Variants in BLTP2 observed in about 807,000 individuals in gnomAD.
The protein encoded by BLTP2 is bridge-like lipid transfer protein family member 2, also known as U937-associated antigen.
chr17:28,620,398 A>G, the BLTP2 span: 11 of 1,265,974 alleles, frequency 8.7e-6, no homozygotes, highest in Admixed American at 6.5e-5. Flanking sequence ...TACCAACCAC[A>G]AGGCCCTTTT....
the BLTP2 span, chr17:28,635,781 T>G: frequency 1.6e-6 from 1 of 627,860 alleles, no homozygotes; most frequent in Admixed American, 3.2e-5. Flanking sequence ...ACTAATGTGC[T>G]GAGCTGACAG....
At chr17:28,636,995 G>A in the BLTP2 span, 1 of 1,614,144 alleles carries the variant, frequency 6.2e-7, no homozygotes. Context: ...TGTGATAGGT[G>A]ATGGAGAGCA....
At chr17:28,643,636 G>A in the BLTP2 span, 1 of 1,614,088 alleles carries the variant, frequency 6.2e-7, no homozygotes, top group Non-Finnish European at 8.5e-7. Context: ...GGAGTTTGCT[G>A]GAAATCCACA....
the BLTP2 span, among the ~76,000 whole-genome samples, chr17:28,644,516 G>A: frequency 5.0e-3 from 767 of 152,310 alleles, 6 homozygotes; most frequent in Admixed American, 7.7e-3. Context: ...TGTCACATGT[G>A]CCATCACACT....
At chr17:28,627,204 T>A in the BLTP2 span, among the ~76,000 whole-genome samples, 2 of 152,122 alleles carry the variant, frequency 1.3e-5, no homozygotes, top group African/African-American at 4.8e-5. Flanking sequence ...GAGTTTGGGT[T>A]TTTCCACTCA....
the BLTP2 span, chr17:28,635,559 C>T: frequency 1.2e-6 from 2 of 1,614,088 alleles, no homozygotes; most frequent in Non-Finnish European, 8.5e-7. Context: ...GGTACAGGTA[C>T]ATGTGATCTG....
At chr17:28,637,512 G>A in the BLTP2 span, among the ~76,000 whole-genome samples, 1 of 152,038 alleles carries the variant, frequency 6.6e-6, no homozygotes, top group Non-Finnish European at 1.5e-5. Flanking sequence ...AAGCCCTTAA[G>A]AAATACCAAG....
chr17:28,641,438 G>A, the BLTP2 span, among the ~76,000 whole-genome samples: 18 of 151,920 alleles, frequency 1.2e-4, no homozygotes, highest in African/African-American at 4.1e-4. Flanking sequence ...TCAGGAGATC[G>A]AGACCATCCT....
the BLTP2 span, chr17:28,624,382 T>C: frequency 1.2e-6 from 2 of 1,612,302 alleles, no homozygotes; most frequent in East Asian, 2.2e-5. Context: ...TTCTGCAACA[T>C]GTAAGCACCT....
the BLTP2 span, chr17:28,631,357 C>T: frequency 1.1e-6 from 1 of 900,498 alleles, no homozygotes; most frequent in East Asian, 2.7e-5. Context: ...GTAGCCAAAA[C>T]TCATAAATAA....
the BLTP2 span, chr17:28,634,023 A>G: frequency 6.2e-7 from 1 of 1,614,152 alleles, no homozygotes; most frequent in Non-Finnish European, 8.5e-7. Context: ...GGTGCCCACA[A>G]GTCGACCCAT....
At chr17:28,616,663 C>G in the BLTP2 span, 4 of 1,614,248 alleles carry the variant, frequency 2.5e-6, no homozygotes, top group Non-Finnish European at 3.4e-6. This position sits in a 1 kb window ranked among gnomAD's most constrained non-coding sequence, Gnocchi z 4.8. Context: ...CCAACTTCAT[C>G]ATCTTCCACA....
At chr17:28,641,469 G>A in the BLTP2 span, among the ~76,000 whole-genome samples, 24 of 151,866 alleles carry the variant, frequency 1.6e-4, no homozygotes, top group African/African-American at 5.3e-4. Flanking sequence ...GCGAAATCCC[G>A]TCTCTACTAA....
At chr17:28,634,912 T>C in the BLTP2 span, 2 of 1,613,836 alleles carry the variant, frequency 1.2e-6, no homozygotes, top group African/African-American at 1.3e-5. Flanking sequence ...CTCGTAGTTA[T>C]CATGAAGTTT....
chr17:28,624,558 G>A, the BLTP2 span, among the ~76,000 whole-genome samples: 1 of 151,996 alleles, frequency 6.6e-6, no homozygotes. Flanking sequence ...ACCCATGAAG[G>A]CAAAACAAGG....
chr17:28,629,449 C>T, the BLTP2 span, among the ~76,000 whole-genome samples: 28 of 151,996 alleles, frequency 1.8e-4, no homozygotes, highest in African/African-American at 6.3e-4. Context: ...TGCTACCACA[C>T]CTGGCTAATT....
chr17:28,632,310 C>A, the BLTP2 span: 1 of 1,408,046 alleles, frequency 7.1e-7, no homozygotes, highest in Middle Eastern at 2.6e-4. Flanking sequence ...CCTTCCCTTG[C>A]TGCAGGTTGT....
the BLTP2 span, chr17:28,631,626 A>G: frequency 1.2e-6 from 2 of 1,614,078 alleles, no homozygotes; most frequent in Admixed American, 3.3e-5. Flanking sequence ...GACTTAGGTC[A>G]CTCACCATCT....
At chr17:28,622,083 G>A in the BLTP2 span, among the ~76,000 whole-genome samples, 3 of 152,060 alleles carry the variant, frequency 2.0e-5, no homozygotes, top group African/African-American at 2.4e-5. Flanking sequence ...TGCTAGTATC[G>A]CAGCCTGAGG....
Sources: allele counts gnomAD v4.1 joint callset (sites outside exome capture counted in the v4.1 genomes callset), GRCh38; gene constraint gnomAD v4.1.1; non-coding constraint Gnocchi (gnomAD v3.1); transcripts MANE v1.5; gene names NCBI Gene and HGNC (gene_info 2026-07-23, HGNC 2026-07-21).